SRPK2: variants seen among roughly 807,000 people sequenced by gnomAD.
The protein encoded by SRPK2 is SRSF protein kinase 2.
Under a neutral mutation model 90.8 loss-of-function variants are expected in SRPK2, and 21 were observed. That is an observed-to-expected ratio of 0.23 (90% CI 0.16 to 0.33). The LOEUF (loss-of-function observed/expected upper bound fraction) is 0.33, where lower values mean the gene tolerates loss of function less well. Among genes scored for constraint, SRPK2 ranks in the 10% least tolerant of loss-of-function variants. The pLI, the probability that SRPK2 is intolerant of heterozygous loss-of-function variation, is 1.00. For missense variants in SRPK2, 620 were observed against 869.0 expected (o/e 0.71, Z 3.60); for synonymous variants, 288 against 311.1 (o/e 0.93, Z 0.78).
chr7:105,272,856 A>T (rs1805997428), intron 2 of SRPK2, among the ~76,000 whole-genome samples: 1 of 152,092 alleles, frequency 6.6e-6, no homozygotes, highest in South Asian at 2.1e-4. Flanking sequence ...GAACAGCAAC[A>T]CCATTGCCGT....
At chr7:105,157,095 C>T (rs554535140) in intron 7 of SRPK2, among the ~76,000 whole-genome samples, 1 of 152,188 alleles carries the variant, frequency 6.6e-6, no homozygotes, top group East Asian at 1.9e-4. Context: ...GGGCTGTATG[C>T]ACAGAGAGCC....
At chr7:105,365,055 A>T (rs777963552) in intron 2 of SRPK2, among the ~76,000 whole-genome samples, 10 of 152,154 alleles carry the variant, frequency 6.6e-5, no homozygotes, top group Admixed American at 1.3e-4. Context: ...CTACATTTGC[A>T]CAAAAGAGTA....
rs1804120381 is a variant in SRPK2 at position 105,143,606 on chromosome 7, G to A, written c.814-276C>T. Reference sequence around the variant, plus strand: ...TAAGTCTTCACCATTCAAACTCTAAGAGAACTGAAGTTCGAAATTCTCTTG... The same window carrying A: ...TAAGTCTTCACCATTCAAACTCTAAAAGAACTGAAGTTCGAAATTCTCTTG... On this transcript the variant is annotated intron_variant, in intron 9 of 15. Transcript: ENST00000393651. The A allele has an allele frequency of 7.5e-6, 3 of 397,822 alleles. No homozygotes were observed. The South Asian group carries it at 1.1e-4, about 15-fold the overall frequency. The allele number at this position is 397,822 out of a possible 1,614,324, so 24.6% of individuals were successfully genotyped here. A position where few individuals can be genotyped will look rare whatever the true frequency, so the allele number is the denominator to read the frequency against.
At chr7:105,185,829 G>A (rs935042234) in intron 3 of SRPK2, among the ~76,000 whole-genome samples, 1 of 152,094 alleles carries the variant, frequency 6.6e-6, no homozygotes, top group African/African-American at 2.4e-5. Context: ...TCCTTTGTTA[G>A]GCACCCAACA....
chr7:105,314,946 A>G (rs928044751), intron 2 of SRPK2, among the ~76,000 whole-genome samples: 2 of 152,168 alleles, frequency 1.3e-5, no homozygotes, highest in African/African-American at 2.4e-5. Context: ...ACTCACAATA[A>G]AATGGTATGG....
intron 2 of SRPK2, among the ~76,000 whole-genome samples, chr7:105,285,384 C>CAA (rs1807940745): frequency 2.3e-5 from 1 of 43,438 alleles, no homozygotes; most frequent in African/African-American, 8.4e-5. Context: ...GACCCCGTCT[C>CAA]CAAAAAAAAA....
chr7:105,328,706 T>C (rs1050788081), intron 2 of SRPK2, among the ~76,000 whole-genome samples: 1 of 144,866 alleles, frequency 6.9e-6, no homozygotes, highest in Non-Finnish European at 1.5e-5. Context: ...CTACTAAAAA[T>C]ACAAAAAAAT....
At chr7:105,364,260 T>C (rs1012467289) in intron 2 of SRPK2, among the ~76,000 whole-genome samples, 1 of 152,148 alleles carries the variant, frequency 6.6e-6, no homozygotes, top group Non-Finnish European at 1.5e-5. Flanking sequence ...CAGCAGGAAT[T>C]TGTTTCAAGC....
chr7:105,192,706 T>C (rs1440148340), intron 3 of SRPK2, among the ~76,000 whole-genome samples: 1 of 152,154 alleles, frequency 6.6e-6, no homozygotes, highest in African/African-American at 2.4e-5. Flanking sequence ...CATGCTAACA[T>C]CTATTATTTT....
At position 105,179,824 on chromosome 7, in the gene SRPK2, CAAAAAA is replaced by C. The variant is rs1185836588; in HGVS notation, c.230-10565_230-10560del. ...TGGGCAACACAGTAAGAGTCCATCT[CAAAAAA>C]AAAAAAAAAAAAAAAAAAGAATAAA... is the stretch of plus-strand genomic sequence containing the variant. On this transcript the variant is annotated intron_variant, in intron 3 of 15. Transcript: ENST00000393651. 8.3e-5 allele frequency among the ~76,000 whole-genome samples: 5 copies of C among 60,266 alleles called. No individual in the cohort carries two copies. In the East Asian group the frequency reaches 2.6e-3, roughly 31 times the overall value. 39.5% of individuals were successfully genotyped at this position (60,266 alleles called of 152,430 possible). A position where few individuals can be genotyped will look rare whatever the true frequency, so the allele number is the denominator to read the frequency against.
At chr7:105,304,926 T>A (rs922062861) in intron 2 of SRPK2, among the ~76,000 whole-genome samples, 7 of 152,072 alleles carry the variant, frequency 4.6e-5, no homozygotes, top group African/African-American at 1.4e-4. Flanking sequence ...TAAATAGAAG[T>A]CAAAAAGCAT....
At chr7:105,318,206 T>C (rs989508646) in intron 2 of SRPK2, among the ~76,000 whole-genome samples, 5 of 152,204 alleles carry the variant, frequency 3.3e-5, no homozygotes, top group African/African-American at 1.2e-4. Flanking sequence ...GCGATTCTCC[T>C]ACCTCAGTCT....
chr7:105,363,057 G>A (rs984935357), intron 2 of SRPK2, among the ~76,000 whole-genome samples: 2 of 152,022 alleles, frequency 1.3e-5, no homozygotes, highest in Non-Finnish European at 2.9e-5. Context: ...GGAGAGGGGA[G>A]GGATAGCATT....
intron 2 of SRPK2, among the ~76,000 whole-genome samples, chr7:105,287,988 T>C (rs1190803015): frequency 6.6e-6 from 1 of 152,192 alleles, no homozygotes; most frequent in Admixed American, 6.5e-5. Context: ...ATCACACCAT[T>C]ATAAATAGCC....
chr7:105,152,644 T>G (rs530559709), intron 7 of SRPK2, among the ~76,000 whole-genome samples: 1 of 152,258 alleles, frequency 6.6e-6, no homozygotes, highest in East Asian at 1.9e-4. Context: ...CATGGATAGA[T>G]CTCCCCTTGC....
chr7:105,166,337 CTGT>C, intron 6 of SRPK2, among the ~76,000 whole-genome samples: 1 of 152,094 alleles, frequency 6.6e-6, no homozygotes, highest in African/African-American at 2.4e-5. Flanking sequence ...CCAAGGAAAT[CTGT>C]ATTAAGAAGT....
At chr7:105,388,596 G>A in intron 2 of SRPK2, 52 bp downstream of exon 2, 4 of 1,491,086 alleles carry the variant, frequency 2.7e-6, no homozygotes, top group Admixed American at 1.9e-5. Flanking sequence ...GGCCGCGGGC[G>A]CCCCCGACGG....
chr7:105,384,580 A>G (rs1379767791), intron 2 of SRPK2, among the ~76,000 whole-genome samples: 2 of 152,226 alleles, frequency 1.3e-5, no homozygotes, highest in African/African-American at 2.4e-5. Context: ...CATCATATTA[A>G]TAGTTTAAAA....
In SRPK2 at chr7:105,192,309, T is replaced by C. The variant is rs934674011; in HGVS notation, c.229+11319A>G. 3.9e-5 allele frequency among the ~76,000 whole-genome samples: 6 copies of C among 152,196 alleles called. 1 individual carries two copies. The highest frequency in any genetic ancestry group is 2.0e-4 in the Admixed American group (3 of 15,286). ...CACTTATGAGTGAGAGAACATAGGA[T>C]GTCTGGTCTTCCATTCCTGAGTTAC... is the stretch of plus-strand genomic sequence containing the variant. On this transcript the variant is annotated intron_variant, in intron 3 of 15. Transcript: ENST00000393651.
Sources: gnomAD v4.1 joint callset for allele counts (sites outside exome capture counted in the v4.1 genomes callset) on GRCh38, gnomAD v4.1.1 for gene constraint, MANE v1.5 for transcripts, NCBI Gene and HGNC (gene_info 2026-07-23, HGNC 2026-07-21) for gene names.